The following SCYL1 variants were observed in gnomAD, a reference collection of about 807,000 sequenced individuals.
SCYL1 encodes the protein N-terminal kinase-like protein.
SCYL1 carries 85 observed loss-of-function variants against 94.8 expected under a neutral mutation model. The ratio of observed to expected loss-of-function variants is 0.90; its 90% CI spans 0.75 to 1.07. SCYL1 has a LOEUF of 1.07. Ranked by LOEUF, SCYL1 falls within the 50% of genes least tolerant of loss-of-function variation. SCYL1 has a pLI of 0.00. For synonymous variants in SCYL1, 459 were observed against 435.5 expected (o/e 1.05, Z -0.67); for missense variants, 968 against 1,083.3 (o/e 0.89, Z 1.49).
chr11:65,528,664 G>T (rs1054160567), intron 6 of SCYL1, among the ~76,000 whole-genome samples: 5 of 152,006 alleles, frequency 3.3e-5, no homozygotes, highest in Admixed American at 2.6e-4. Flanking sequence ...AGAGGCTGAG[G>T]CGGGAGAATA....
In SCYL1 at chr11:65,526,076, G is replaced by A. The variant is rs752780273; in HGVS notation, c.375+33G>A. On this transcript the variant is annotated intron_variant, in intron 3 of 17. Transcript: ENST00000270176. The surrounding 1 kb of genome is among the most constrained non-coding windows in gnomAD (Gnocchi z 4.1). ...GGGGGGCAGTGGTGATGAGAGCAGGGATGGGGGGTTGCAGGTGCTGGGGCG... is the reference window on the plus strand; with the variant it reads ...GGGGGGCAGTGGTGATGAGAGCAGGAATGGGGGGTTGCAGGTGCTGGGGCG... 2.5e-6 allele frequency: 4 copies of A among 1,611,592 alleles called. No individual in the cohort carries two copies. In the African/African-American group the frequency reaches 5.3e-5, roughly 22 times the overall value.
At chr11:65,530,275 T>C (rs1855299116) in intron 6 of SCYL1, among the ~76,000 whole-genome samples, 1 of 152,216 alleles carries the variant, frequency 6.6e-6, no homozygotes, top group Non-Finnish European at 1.5e-5. Flanking sequence ...ATAAAGGGCC[T>C]GATGCCCTTA....
intron 9 of SCYL1, chr11:65,535,005 T>C: frequency 1.7e-6 from 1 of 576,660 alleles, no homozygotes. Flanking sequence ...GCAGAGGAAA[T>C]GGGAAACAGG....
intron 2 of SCYL1, 80 bp from the exon 3 acceptor site, chr11:65,525,841 A>G (rs1252926211): frequency 1.3e-6 from 2 of 1,580,890 alleles, no homozygotes; most frequent in Non-Finnish European, 1.7e-6. Context: ...CCTCTTCCCC[A>G]TCTCTCCCAA....
intron 10 of SCYL1, 160 bp from the exon 11 acceptor site, chr11:65,535,793 T>C: frequency 1.4e-6 from 1 of 716,262 alleles, no homozygotes; most frequent in South Asian, 2.1e-5. Context: ...GAAGCCCAGG[T>C]CCAGAGTTTT....
chr11:65,536,818 T>A (rs1022391542), intron 13 of SCYL1, 68 bp downstream of exon 13: 1 of 1,510,994 alleles, frequency 6.6e-7, no homozygotes, highest in African/African-American at 1.4e-5. Flanking sequence ...CAGGAACTCT[T>A]ACTGTCTGAC....
At chr11:65,537,657 C>T (rs776710933) in intron 14 of SCYL1, 152 bp from the exon 15 acceptor site, 19 of 649,812 alleles carry the variant, frequency 2.9e-5, no homozygotes, top group African/African-American at 9.1e-5. Flanking sequence ...CCAGGGTCAG[C>T]GTCCATTTAA....
In SCYL1 at chr11:65,538,464, C is replaced by G; in HGVS notation, c.2325C>G (p.Ala775=). 1.3e-6 allele frequency: 2 copies of G among 1,572,710 alleles called. No individual in the cohort carries two copies. The highest frequency in any genetic ancestry group is 4.7e-5 in the East Asian group (2 of 42,390). ...CAGGACAGGTCAAGGCTGAGCTGGC[C>G]CGGAAGAAGCGCGAGGAGCGGCGGC... ...TDSRQVKAEL[A]RKKREERRRE... Residue 775 remains alanine (A), a synonymous_variant, in exon 18 of 18, where the codon GCC becomes GCG. Coordinates refer to ENST00000270176, the MANE Select transcript of SCYL1 (RefSeq NM_020680.4).
In SCYL1 at chr11:65,525,915, C is replaced by A; in HGVS notation, c.253-6C>A. 6.2e-7 allele frequency: 1 copy of A among 1,612,608 alleles called. No individual in the cohort carries two copies. On this transcript the variant is annotated splice_polypyrimidine_tract_variant and splice_region_variant and intron_variant, in intron 2 of 17. Transcript: ENST00000270176. ...GCCCTTGATAACCCTGTGTCCCCTT[C>A]CCCAGACAGAAAAATGCCTCCACGT...
Position 65,531,651 on chromosome 11 carries a change from G to T in SCYL1, c.1084G>T (p.Asp362Tyr), listed in dbSNP as rs1445239525. The change falls in exon 8 of 18, where the codon GAC becomes TAC. Residue 362 changes from aspartate to tyrosine, a missense_variant. This residue lies in a region of SCYL1 where 494 missense variants were observed against 619.7 expected (regional missense o/e 0.80). Transcript: ENST00000270176. ...GGTGGTCAAGATGTTCTCATCCACTGACCGGGCCATGCGCATCCGCCTCCT... is the reference window on the plus strand; with the variant it reads ...GGTGGTCAAGATGTTCTCATCCACTTACCGGGCCATGCGCATCCGCCTCCT... ...PVVVKMFSST[D>Y]RAMRIRLLQQ... The T allele has an allele frequency of 1.2e-6, 2 of 1,613,828 alleles. No individual in the cohort carries two copies. Among genetic ancestry groups the T allele is most frequent in the African/African-American group, 2.7e-5 (2 of 74,908 alleles).
At position 65,535,738 on chromosome 11, in the gene SCYL1, GGTCCC is replaced by G. The variant is rs984319214; in HGVS notation, c.1387-214_1387-210del. On this transcript the variant is annotated intron_variant, in intron 10 of 17. Coordinates refer to ENST00000270176, the MANE Select transcript of SCYL1 (RefSeq NM_020680.4). ...GAGCCCTGGGGACAGCTGCTGTTGT[GGTCCC>G]ATGCCCTGAGGCAGTGTGGAACCCA... is the stretch of plus-strand genomic sequence containing the variant. The G allele has an allele frequency of 6.7e-6, 4 of 593,300 alleles. No homozygotes were observed. In the Admixed American group the frequency reaches 1.3e-4, roughly 19 times the overall value. 36.8% of individuals were successfully genotyped at this position (593,300 alleles called of 1,614,324 possible).
chr11:65,525,817 C>T, intron 2 of SCYL1, 103 bp downstream of exon 2: 1 of 1,579,460 alleles, frequency 6.3e-7, no homozygotes, highest in Non-Finnish European at 8.6e-7. Flanking sequence ...CCCCAGCACC[C>T]CCAGATTTGG....
Position 65,526,944 on chromosome 11 carries a change from C to T in SCYL1, c.694-18C>T. On this transcript the variant is annotated intron_variant, in intron 5 of 17. Coordinates refer to ENST00000270176, the MANE Select transcript of SCYL1 (RefSeq NM_020680.4). The surrounding 1 kb of genome is among the most constrained non-coding windows in gnomAD (Gnocchi z 4.1). Reference sequence around the variant, plus strand: ...CCAGCTGGCTACCCCTGCCCTGACACTGACCCCTCCCCTACAGATCCCCAA... The same window carrying T: ...CCAGCTGGCTACCCCTGCCCTGACATTGACCCCTCCCCTACAGATCCCCAA... 1 of 1,610,150 alleles carries T rather than the reference C, an allele frequency of 6.2e-7. No individual in the cohort carries two copies. Among genetic ancestry groups the T allele is most frequent in the Non-Finnish European group, 8.5e-7 (1 of 1,177,236 alleles).
At chr11:65,527,147 C>A in intron 6 of SCYL1, 30 bp downstream of exon 6, 1 of 1,603,860 alleles carries the variant, frequency 6.2e-7, no homozygotes. Context: ...TGGGCTTCGA[C>A]CCTATCTTTT....
rs934195039 is a variant in SCYL1 at position 65,536,995 on chromosome 11, C to T, written c.1826C>T (p.Ala609Val). ...PQRPTPEGVP[A>V]PAPTPVPATP... ...AGCCTCTGCTCCCCAGGAGTTCCTG[C>T]CCCAGCCCCCACCCCTGTTCCTGCC... Residue 609 changes from alanine to valine, a missense_variant, in exon 14 of 18, where the codon GCC becomes GTC. Physicochemically the swap from Ala to Val is moderately conservative, Grantham distance 64. Coordinates refer to ENST00000270176, the MANE Select transcript of SCYL1 (RefSeq NM_020680.4). 10 of 1,609,366 alleles carry T rather than the reference C, an allele frequency of 6.2e-6. No individual in the cohort carries two copies. The African/African-American group carries it at 1.1e-4, about 17-fold the overall frequency.
chr11:65,531,819 G>T (rs1855381765), intron 8 of SCYL1, 136 bp downstream of exon 8: 2 of 658,198 alleles, frequency 3.0e-6, no homozygotes, highest in Non-Finnish European at 5.4e-6. Flanking sequence ...GACCCAATGA[G>T]GCCAGGCTCT....
chr11:65,538,215 A>G (rs1855809363), intron 16 of SCYL1, 33 bp downstream of exon 16: 2 of 1,559,868 alleles, frequency 1.3e-6, no homozygotes, highest in African/African-American at 1.4e-5. Flanking sequence ...GAGGGTAGAG[A>G]TGGTGGACCT....
rs763799370 is a variant in SCYL1 at position 65,538,588 on chromosome 11, G to C, written c.*22G>C. 1 of 1,603,798 alleles carries C rather than the reference G, an allele frequency of 6.2e-7. No individual in the cohort carries two copies. The highest frequency in any genetic ancestry group is 1.3e-5 in the African/African-American group (1 of 74,782). ...CTGAACCGTGGCGGTGGCCCTTCCCGGCTGCGGAGAGCCCGCCCCACAGAT... is the reference window on the plus strand; with the variant it reads ...CTGAACCGTGGCGGTGGCCCTTCCCCGCTGCGGAGAGCCCGCCCCACAGAT... On this transcript the variant is annotated 3_prime_UTR_variant, in exon 18 of 18. Transcript: ENST00000270176.
At chr11:65,538,361 T>C (rs1488387407) in intron 17 of SCYL1, 37 bp downstream of exon 17, 1 of 1,539,878 alleles carries the variant, frequency 6.5e-7, no homozygotes, top group East Asian at 2.5e-5. Context: ...AGACTAGGGC[T>C]CCCCGACTAG....
Sources: gnomAD v4.1 joint callset for allele counts (sites outside exome capture counted in the v4.1 genomes callset) on GRCh38, gnomAD v4.1.1 for gene constraint, gnomAD v4.1.1 regional missense constraint, Gnocchi (gnomAD v3.1) non-coding constraint, MANE v1.5 for transcripts, NCBI Gene and HGNC (gene_info 2026-07-23, HGNC 2026-07-21) for gene names.